The following SLC37A2 variants were observed in gnomAD, a reference collection of about 807,000 sequenced individuals.
SLC37A2 encodes glucose-6-phosphate exchanger SLC37A2.
SLC37A2 carries 59 observed loss-of-function variants against 70.7 expected under a neutral mutation model. The ratio of observed to expected loss-of-function variants is 0.83; its 90% CI spans 0.68 to 1.04. SLC37A2 has a LOEUF of 1.04. Ranked by LOEUF, SLC37A2 falls within the 50% of genes least tolerant of loss-of-function variation. The pLI is 0.00. For synonymous variants in SLC37A2, 257 were observed against 262.1 expected (o/e 0.98, Z 0.19); for missense variants, 580 against 658.1 (o/e 0.88, Z 1.30).
At chr11:125,070,152 G>T (rs1949016479) in intron 1 of SLC37A2, among the ~76,000 whole-genome samples, 2 of 152,192 alleles carry the variant, frequency 1.3e-5, no homozygotes, top group South Asian at 4.1e-4. Flanking sequence ...AATTGGGCAG[G>T]CAGGAAGAGC....
At chr11:125,073,758 G>A (rs1053191266) in intron 1 of SLC37A2, among the ~76,000 whole-genome samples, 3 of 152,220 alleles carry the variant, frequency 2.0e-5, no homozygotes, top group Admixed American at 6.5e-5. Context: ...GGGTTCCCCC[G>A]TGATGCTGCT....
rs1949245726 is a variant in SLC37A2, at chr11:125,088,314, C to T, written c.*180C>T. The T allele has an allele frequency of 1.5e-6, 1 of 666,234 alleles. No individual in the cohort carries two copies. The highest frequency in any genetic ancestry group is 2.5e-6 in the Non-Finnish European group (1 of 396,312). The allele number at this position is 666,234 out of a possible 1,614,324, so 41.3% of individuals were successfully genotyped here. A position where few individuals can be genotyped will look rare whatever the true frequency, so the allele number is the denominator to read the frequency against. On this transcript the variant is annotated 3_prime_UTR_variant, in exon 18 of 18. Coordinates refer to ENST00000403796, the MANE Select transcript of SLC37A2 (RefSeq NM_001145290.2). The stretch of plus-strand genomic sequence containing the variant: ...ACAGAGATTCTCCATGGGAAGGGGA[C>T]TGCCAAGCATGAGGAAATAGAAGAT...
intron 1 of SLC37A2, among the ~76,000 whole-genome samples, chr11:125,075,761 G>T (rs1462644867): frequency 6.6e-6 from 1 of 152,210 alleles, no homozygotes; most frequent in Non-Finnish European, 1.5e-5. Context: ...TGTGGAGGAG[G>T]ATTCCTAGGC....
intron 17 of SLC37A2, chr11:125,087,669 A>G (rs904185132): frequency 8.0e-6 from 1 of 124,932 alleles, no homozygotes; most frequent in Admixed American, 8.6e-5. Flanking sequence ...TTTTGCTCTT[A>G]TTGCCCAGGC....
At chr11:125,067,276 G>A (rs1948991128) in intron 1 of SLC37A2, among the ~76,000 whole-genome samples, 1 of 152,112 alleles carries the variant, frequency 6.6e-6, no homozygotes, top group Non-Finnish European at 1.5e-5. Context: ...GCAGACATGA[G>A]CCACCATGCC....
At chr11:125,072,457 C>T (rs532421890) in intron 1 of SLC37A2, among the ~76,000 whole-genome samples, 3 of 152,158 alleles carry the variant, frequency 2.0e-5, no homozygotes, top group East Asian at 1.9e-4. Flanking sequence ...CTGGAGCAGC[C>T]GGGGGCCTTC....
rs1048540754 is a variant in SLC37A2, at chr11:125,083,571, G to A, written c.977-244G>A. 8 of 457,666 alleles carry A rather than the reference G, an allele frequency of 1.7e-5. No individual in the cohort carries two copies. The highest frequency in any genetic ancestry group is 2.8e-5 in the Non-Finnish European group (7 of 254,004). 28.4% of individuals were successfully genotyped at this position (457,666 alleles called of 1,614,324 possible). ...TCCCAGAGCTTGCCAGGGAGGGCTT[G>A]TTCTGAGAGGTGAAGGTCATCCTGC... On this transcript the variant is annotated intron_variant, in intron 10 of 17. Coordinates refer to ENST00000403796, the MANE Select transcript of SLC37A2 (RefSeq NM_001145290.2). This position sits in a 1 kb window ranked among gnomAD's most constrained non-coding sequence, Gnocchi z 4.6.
intron 12 of SLC37A2, 138 bp downstream of exon 12, chr11:125,084,457 G>T (rs886526270): frequency 8.7e-6 from 8 of 914,354 alleles, no homozygotes; most frequent in Admixed American, 4.2e-5. Flanking sequence ...GTGCACACAC[G>T]GGGGAGGAGA....
intron 1 of SLC37A2, among the ~76,000 whole-genome samples, chr11:125,069,048 C>T (rs150992079): frequency 0.014 from 2,119 of 152,274 alleles, 48 homozygotes; most frequent in African/African-American, 0.049. Context: ...TGAGGTACTA[C>T]GTGTAAGGTA....
At chr11:125,077,568 G>A (rs1591631161) in intron 4 of SLC37A2, 40 bp downstream of exon 4, 1 of 1,536,068 alleles carries the variant, frequency 6.5e-7, no homozygotes. Context: ...GAGGAGGATG[G>A]TTTAGAGCTG....
rs1949154462 is a variant in SLC37A2 at position 125,081,846 on chromosome 11, C to T, written c.825C>T (p.Cys275=). The change falls in exon 9 of 18, where the codon TGC becomes TGT. Residue 275 remains cysteine, a synonymous_variant. Coordinates refer to ENST00000403796, the MANE Select transcript of SLC37A2 (RefSeq NM_001145290.2). ...GCGGCCTTGAGACTGTGGCCAAATG[C>T]TCCAAGGGGCCATGCGAAGAGCCTG... ...RESGLETVAK[C]SKGPCEEPAA... is the part of the protein sequence containing the mutation. 1 of 1,613,978 alleles carries T rather than the reference C, an allele frequency of 6.2e-7. No homozygotes were observed. Among genetic ancestry groups the T allele is most frequent in the Non-Finnish European group, 8.5e-7 (1 of 1,179,888 alleles).
chr11:125,066,204 G>A (rs1948978567), intron 1 of SLC37A2, among the ~76,000 whole-genome samples: 1 of 152,174 alleles, frequency 6.6e-6, no homozygotes, highest in Non-Finnish European at 1.5e-5. Flanking sequence ...CAATTACTCA[G>A]TACAGTGCTT....
Position 125,063,642 on chromosome 11 carries a change from C to A in SLC37A2, c.59+216C>A, listed in dbSNP as rs1172164478. 6.6e-6 allele frequency among the ~76,000 whole-genome samples: 1 copy of A among 152,214 alleles called. No individual in the cohort carries two copies. The highest frequency in any genetic ancestry group is 1.5e-5 in the Non-Finnish European group (1 of 68,038). ...TCCGCCCGCGCTCCCCCAGACCCCG[C>A]GACGCTGGCTCGGTGACACTGGGGA... On this transcript the variant is annotated intron_variant, in intron 1 of 17. Coordinates refer to ENST00000403796, the MANE Select transcript of SLC37A2 (RefSeq NM_001145290.2). This position sits in a 1 kb window ranked among gnomAD's most constrained non-coding sequence, Gnocchi z 5.4.
chr11:125,088,078 A>C (rs1591636556), intron 17 of SLC37A2, 41 bp from the exon 18 acceptor site: 1 of 1,551,172 alleles, frequency 6.4e-7, no homozygotes, highest in Non-Finnish European at 8.7e-7. Flanking sequence ...TTATGAAGTC[A>C]TCTCACTTTC....
chr11:125,086,200 A>G lies in SLC37A2; in HGVS notation c.1490+182A>G, dbSNP rs765764498. On this transcript the variant is annotated intron_variant, in intron 17 of 17. Coordinates refer to ENST00000403796, the MANE Select transcript of SLC37A2 (RefSeq NM_001145290.2). The stretch of plus-strand genomic sequence containing the variant: ...TCCTCTGTTGTCCCCGTGTATCTCT[A>G]TAGCTCTAGTATGGTCCTAACCCAC... 2.2e-5 allele frequency: 35 copies of G among 1,611,704 alleles called. No individual in the cohort carries two copies. In the South Asian group the frequency reaches 2.2e-4, roughly 10 times the overall value.
At chr11:125,077,130 G>C in intron 2 of SLC37A2, 100 bp from the exon 3 acceptor site, 2 of 966,352 alleles carry the variant, frequency 2.1e-6, no homozygotes, top group Non-Finnish European at 3.1e-6. Context: ...CGGGGACATA[G>C]AATCTGGTAG....
rs1949155018 is a variant in SLC37A2 at position 125,081,876 on chromosome 11, CAT to C, written c.856_857del (p.Ile286GlnfsTer43). 6.2e-7 allele frequency: 1 copy of C among 1,613,132 alleles called. No homozygotes were observed. The highest frequency in any genetic ancestry group is 8.5e-7 in the Non-Finnish European group (1 of 1,179,546). On this transcript the variant is annotated frameshift_variant, in exon 9 of 18. Transcript: ENST00000403796. LOFTEE classifies it high-confidence loss of function. Reference protein sequence around the residue: ...SKGPCEEPAAISFFGALRIPG... With the variant: ...SKGPCEEPAAXSFFGALRIPG... ...AGGGGCCATGCGAAGAGCCTGCTGC[CAT>C]CAGCTTCTTTGGGGCGCTCCGGATC...
At chr11:125,086,060 T>C in intron 17 of SLC37A2, 42 bp downstream of exon 17, 1 of 1,596,496 alleles carries the variant, frequency 6.3e-7, no homozygotes, top group African/African-American at 1.3e-5. Context: ...CCAACCTCAT[T>C]TCTCGTGGGA....
Position 125,076,742 on chromosome 11 carries a change from T to C in SLC37A2, c.60-15T>C, listed in dbSNP as rs1225986501. ...GCTGACTTCCCACTAACGCAGATGC[T>C]GTCCCTTCCTGCAGGTTCCGAGGCC... On this transcript the variant is annotated splice_polypyrimidine_tract_variant and intron_variant, in intron 1 of 17. Transcript: ENST00000403796. The C allele has an allele frequency of 9.3e-6, 15 of 1,613,574 alleles. No individual in the cohort carries two copies. Among genetic ancestry groups the C allele is most frequent in the Non-Finnish European group, 1.3e-5 (15 of 1,179,530 alleles).
Sources: gnomAD v4.1 joint callset for allele counts (sites outside exome capture counted in the v4.1 genomes callset) on GRCh38, gnomAD v4.1.1 for gene constraint, Gnocchi (gnomAD v3.1) non-coding constraint, MANE v1.5 for transcripts, NCBI Gene and HGNC (gene_info 2026-07-23, HGNC 2026-07-21) for gene names.